The following RAP1A variants were observed in gnomAD, a reference collection of about 807,000 sequenced individuals.
RAP1A encodes the protein RAP1A, member of RAS oncogene family, also known as ras-related protein Rap-1A.
RAP1A carries 6 observed loss-of-function variants against 26.4 expected under a neutral mutation model. That is an observed-to-expected ratio of 0.23 (90% CI 0.12 to 0.45). The LOEUF is 0.45. RAP1A is among the 20% of genes least tolerant of loss of function. The pLI is 0.99. For missense variants in RAP1A, 121 were observed against 217.2 expected, an observed-to-expected ratio of 0.56 and a Z score of 2.78; for synonymous variants, 73 against 79.4, an observed-to-expected ratio of 0.92 and a Z score of 0.43.
chr1:111,661,042 T>A (rs563720888), intron 1 of RAP1A, among the ~76,000 whole-genome samples: 1 of 152,246 alleles, frequency 6.6e-6, no homozygotes, highest in Non-Finnish European at 1.5e-5. Context: ...GACTTGTTTC[T>A]GGCAGGAGAG....
chr1:111,703,650 G>A (rs946385766), intron 5 of RAP1A, among the ~76,000 whole-genome samples, 174 bp downstream of exon 5: 1 of 152,160 alleles, frequency 6.6e-6, no homozygotes, highest in African/African-American at 2.4e-5. Context: ...AAATTATGTG[G>A]TGAGATGTTT....
intron 1 of RAP1A, among the ~76,000 whole-genome samples, chr1:111,679,598 G>T (rs1019977251): frequency 6.6e-6 from 1 of 152,128 alleles, no homozygotes; most frequent in African/African-American, 2.4e-5. Flanking sequence ...TGAAGCCAGG[G>T]AGCCAAGTGG....
intron 6 of RAP1A, 29 bp downstream of exon 6, chr1:111,704,515 C>G (rs1662125628): frequency 6.4e-7 from 1 of 1,552,204 alleles, no homozygotes; most frequent in Non-Finnish European, 8.7e-7. Context: ...GCAGCACAAA[C>G]AAGTGCCTTT....
intron 1 of RAP1A, among the ~76,000 whole-genome samples, chr1:111,663,385 C>T (rs1293630463): frequency 1.3e-5 from 2 of 152,218 alleles, no homozygotes; most frequent in African/African-American, 2.4e-5. Flanking sequence ...ATTTGGGGTT[C>T]CTAATCTGAC....
intron 1 of RAP1A, among the ~76,000 whole-genome samples, chr1:111,560,563 A>G (rs1489059180): frequency 6.6e-6 from 1 of 151,942 alleles, no homozygotes; most frequent in East Asian, 1.9e-4. Context: ...ATCATAGCTC[A>G]CTGCAGCCTC....
At chr1:111,551,761 G>GTTT (rs1176325796) in intron 1 of RAP1A, among the ~76,000 whole-genome samples, 4 of 30,210 alleles carry the variant, frequency 1.3e-4, no homozygotes, top group Admixed American at 6.0e-4. Context: ...GTTTTGTTTT[G>GTTT]TTTTGTTTTT....
At chr1:111,687,754 C>G (rs1256569757) in intron 1 of RAP1A, among the ~76,000 whole-genome samples, 1 of 151,942 alleles carries the variant, frequency 6.6e-6, no homozygotes, top group Non-Finnish European at 1.5e-5. Context: ...TGGCTCATGC[C>G]TGTAATCCCA....
At chr1:111,681,495 G>A (rs927407244) in intron 1 of RAP1A, among the ~76,000 whole-genome samples, 2 of 152,202 alleles carry the variant, frequency 1.3e-5, no homozygotes, top group Non-Finnish European at 2.9e-5. Context: ...CCAGTTTAGA[G>A]AAGAACATAA....
intron 1 of RAP1A, among the ~76,000 whole-genome samples, chr1:111,672,914 A>T (rs1257065033): frequency 6.6e-6 from 1 of 152,090 alleles, no homozygotes; most frequent in Non-Finnish European, 1.5e-5. Context: ...GATGATTCCT[A>T]ACTTTTCTTA....
At chr1:111,594,300 G>A (rs2101067969) in intron 1 of RAP1A, among the ~76,000 whole-genome samples, 1 of 152,224 alleles carries the variant, frequency 6.6e-6, no homozygotes, top group Non-Finnish European at 1.5e-5. Context: ...TAGTGAGACA[G>A]CATATCTACA....
chr1:111,693,857 G>C (rs1332307737), intron 2 of RAP1A, among the ~76,000 whole-genome samples: 1 of 151,134 alleles, frequency 6.6e-6, no homozygotes, highest in African/African-American at 2.4e-5. Context: ...GAGACTCTCT[G>C]CTCTAGCCTA....
At chr1:111,651,286 G>A (rs969851790) in intron 1 of RAP1A, among the ~76,000 whole-genome samples, 2 of 151,984 alleles carry the variant, frequency 1.3e-5, no homozygotes, top group Non-Finnish European at 1.5e-5. Flanking sequence ...TCAGAAGTAT[G>A]TCTTTAAGTT....
rs916865456 is a variant in RAP1A, at chr1:111,713,436, A to G, written c.*1035A>G. 6.6e-6 allele frequency: 1 copy of G among 152,196 alleles called. No individual in the cohort carries two copies. Among genetic ancestry groups the G allele is most frequent in the African/African-American group, 2.4e-5 (1 of 41,462 alleles). 9.4% of individuals were successfully genotyped at this position (152,196 alleles called of 1,614,324 possible). The stretch of plus-strand genomic sequence containing the variant: ...TGTAAAAAGATAAGTTTAATACTGT[A>G]TCAGGGTTTAACTTTTACTATTTCA... On this transcript the variant is annotated 3_prime_UTR_variant, in exon 8 of 8. Transcript: ENST00000369709.
chr1:111,697,736 G>A (rs887431773), intron 4 of RAP1A, among the ~76,000 whole-genome samples: 3 of 152,120 alleles, frequency 2.0e-5, no homozygotes, highest in African/African-American at 7.2e-5. Flanking sequence ...TTGAGGTAAG[G>A]ATTATGCTGT....
chr1:111,662,389 C>A (rs1660666560), intron 1 of RAP1A, among the ~76,000 whole-genome samples: 1 of 90,782 alleles, frequency 1.1e-5, no homozygotes, highest in Non-Finnish European at 2.1e-5. Context: ...AGCGAGACTC[C>A]ATCTCAAAAA....
intron 1 of RAP1A, among the ~76,000 whole-genome samples, chr1:111,646,420 T>TAAAAAA (rs34766711): frequency 9.3e-6 from 1 of 107,028 alleles, no homozygotes. Flanking sequence ...TTCCTTTTTG[T>TAAAAAA]AAAAAAAAAA....
intron 1 of RAP1A, among the ~76,000 whole-genome samples, chr1:111,577,819 C>A (rs764509528): frequency 1.1e-4 from 16 of 152,178 alleles, no homozygotes; most frequent in Non-Finnish European, 5.9e-5. Flanking sequence ...GAAGTAATGT[C>A]AGGCTCTATA....
intron 1 of RAP1A, among the ~76,000 whole-genome samples, chr1:111,645,217 T>A (rs187689661): frequency 6.6e-6 from 1 of 152,228 alleles, no homozygotes; most frequent in African/African-American, 2.4e-5. Context: ...GTATGACTTA[T>A]AGGTTTTTAG....
intron 1 of RAP1A, among the ~76,000 whole-genome samples, chr1:111,687,737 G>A (rs1456044541): frequency 6.6e-6 from 1 of 151,962 alleles, no homozygotes; most frequent in Non-Finnish European, 1.5e-5. Flanking sequence ...TTTGTGGCTG[G>A]GTGTGCTGGC....
Sources: gnomAD v4.1 joint callset for allele counts (sites outside exome capture counted in the v4.1 genomes callset) on GRCh38, gnomAD v4.1.1 for gene constraint, MANE v1.5 for transcripts, NCBI Gene and HGNC (gene_info 2026-07-23, HGNC 2026-07-21) for gene names.